GCC2: variants seen among roughly 807,000 people sequenced by gnomAD.
The protein encoded by GCC2 is GRIP and coiled-coil domain containing 2.
Under a neutral mutation model 210.6 loss-of-function variants are expected in GCC2, and 120 were observed. That is an observed-to-expected ratio of 0.57 (90% CI 0.49 to 0.66). The LOEUF is 0.66. Among genes scored for constraint, GCC2 ranks in the 30% least tolerant of loss-of-function variants. The pLI, the probability that GCC2 is intolerant of heterozygous loss-of-function variation, is 0.00. For synonymous variants in GCC2, 703 were observed against 652.7 expected, an observed-to-expected ratio of 1.08 and a Z score of -1.17; for missense variants, 1,868 against 1,871.9, an observed-to-expected ratio of 1.00 and a Z score of 0.04.
In GCC2 at chr2:108,472,135, C is replaced by A. The variant is rs537765006; in HGVS notation, c.2787+19C>A. 1.1e-5 allele frequency: 15 copies of A among 1,419,720 alleles called. No homozygotes were observed. The highest frequency in any genetic ancestry group is 7.7e-5 in the Admixed American group (3 of 39,064). 87.9% of individuals were successfully genotyped at this position (1,419,720 alleles called of 1,614,324 possible). ...ATTAAAGGTACCATTCATTTGAATT[C>A]TATTGTTTCAAATAAATTCTTAGTT... is the stretch of plus-strand genomic sequence containing the variant. On this transcript the variant is annotated intron_variant, in intron 6 of 22. Coordinates refer to ENST00000309863, the MANE Select transcript of GCC2 (RefSeq NM_181453.4).
At chr2:108,455,549 T>C (rs1463925080) in intron 4 of GCC2, among the ~76,000 whole-genome samples, 1 of 152,004 alleles carries the variant, frequency 6.6e-6, no homozygotes, top group Non-Finnish European at 1.5e-5. Context: ...ATGGGGTACA[T>C]GTGAAATTTT....
chr2:108,479,162 CA>C (rs1293628788), intron 9 of GCC2, among the ~76,000 whole-genome samples: 1 of 151,198 alleles, frequency 6.6e-6, no homozygotes, highest in Non-Finnish European at 1.5e-5. Context: ...GACAACGTCT[CA>C]AAAAAAATAA....
intron 9 of GCC2, among the ~76,000 whole-genome samples, chr2:108,477,942 T>C (rs1407178867): frequency 6.6e-6 from 1 of 152,134 alleles, no homozygotes; most frequent in East Asian, 1.9e-4. Flanking sequence ...GCTACTCTGA[T>C]GGCCGAGGCA....
At chr2:108,449,371 C>A in intron 1 of GCC2, 91 bp downstream of exon 1, 1 of 1,506,266 alleles carries the variant, frequency 6.6e-7, no homozygotes, top group South Asian at 1.3e-5. Flanking sequence ...GCGCGGTAGT[C>A]TCCCTCTTGG....
Position 108,487,791 on chromosome 2 carries a change from G to A in GCC2, c.4023G>A (p.Gln1341=). The part of the protein sequence containing the change: ...LKQQKNKSMS[Q]AETEGAKQER... ...AACAGAAAAATAAATCTATGTCTCAGGCTGAAACTGAGGGCGCTAAACAAG... is the reference window on the plus strand; with the variant it reads ...AACAGAAAAATAAATCTATGTCTCAAGCTGAAACTGAGGGCGCTAAACAAG... The change falls in exon 17 of 23, where the codon CAG becomes CAA. Residue 1341 remains glutamine (Q), a synonymous_variant. Coordinates refer to ENST00000309863, the MANE Select transcript of GCC2 (RefSeq NM_181453.4). 6.2e-7 allele frequency: 1 copy of A among 1,613,168 alleles called. No individual in the cohort carries two copies. The highest frequency in any genetic ancestry group is 1.7e-4 in the Middle Eastern group (1 of 6,060).
At chr2:108,487,898 TG>T in intron 17 of GCC2, 78 bp downstream of exon 17, 6 of 1,208,790 alleles carry the variant, frequency 5.0e-6, no homozygotes, top group Non-Finnish European at 5.7e-6. Flanking sequence ...AATCCTATTA[TG>T]ATTTTTTTTT....
At chr2:108,501,080 C>A (rs1038943359) in intron 22 of GCC2, among the ~76,000 whole-genome samples, 12 of 152,020 alleles carry the variant, frequency 7.9e-5, no homozygotes, top group African/African-American at 2.9e-4. Flanking sequence ...ACTGCAACCT[C>A]CGCCTCCCAG....
intron 1 of GCC2, 23 bp from the exon 2 acceptor site, chr2:108,449,610 C>A: frequency 6.2e-7 from 1 of 1,610,092 alleles, no homozygotes. Context: ...CTTCTGACAC[C>A]TGGGTTTGAT....
At position 108,486,541 on chromosome 2, in the gene GCC2, C is replaced by T; in HGVS notation, c.3823C>T (p.His1275Tyr). 1.2e-6 allele frequency: 2 copies of T among 1,614,124 alleles called. No individual in the cohort carries two copies. The highest frequency in any genetic ancestry group is 1.7e-6 in the Non-Finnish European group (2 of 1,179,984). Residue 1275 changes from histidine to tyrosine, a missense_variant, in exon 16 of 23, where the codon CAC becomes TAC. His to Tyr is a moderately conservative substitution (Grantham distance 83). This residue lies in a region of GCC2 where 1,847 missense variants were observed against 1,765.2 expected (regional missense o/e 1.05). Transcript: ENST00000309863. ...IQLAEITSEK[H>Y]KIHEHLKTSA... The stretch of plus-strand genomic sequence containing the variant: ...GCTGGCTGAAATAACATCAGAGAAG[C>T]ACAAAATCCACGAGCACCTGAAAAC...
intron 9 of GCC2, among the ~76,000 whole-genome samples, chr2:108,476,203 G>T (rs1375658254): frequency 6.6e-6 from 1 of 151,740 alleles, no homozygotes; most frequent in Non-Finnish European, 1.5e-5. Context: ...GGGACTACAG[G>T]TGCGCGCCAC....
rs138657553 is a variant in GCC2, at chr2:108,492,887, A to G, written c.4447+97A>G. On this transcript the variant is annotated intron_variant, in intron 19 of 22. Coordinates refer to ENST00000309863, the MANE Select transcript of GCC2 (RefSeq NM_181453.4). ...AAATTCATAAGAAAGAAAATTTACT[A>G]GGTGTCACCAGTGTCAAATCTGTGA... is the stretch of plus-strand genomic sequence containing the variant. The G allele has an allele frequency of 3.4e-4, 292 of 862,250 alleles. 1 individual carries two copies. In the East Asian group the frequency reaches 7.6e-3, roughly 22 times the overall value. 53.4% of individuals were successfully genotyped at this position (862,250 alleles called of 1,614,324 possible).
Position 108,449,701 on chromosome 2 carries a change from A to C in GCC2, c.63+12A>C. ...CCGGGAAATCTAAGGTGAAGAGAAT[A>C]CTTGAATAGCGGGCTTCCTGAAGAG... On this transcript the variant is annotated intron_variant, in intron 2 of 22. Coordinates refer to ENST00000309863, the MANE Select transcript of GCC2 (RefSeq NM_181453.4). 3.7e-6 allele frequency: 6 copies of C among 1,608,828 alleles called. No homozygotes were observed. Among genetic ancestry groups the C allele is most frequent in the Non-Finnish European group, 8.5e-7 (1 of 1,175,298 alleles).
Position 108,471,071 on chromosome 2 carries a change from T to C in GCC2, c.1742T>C (p.Met581Thr). Residue 581 changes from methionine to threonine, a missense_variant, in exon 6 of 23, where the codon ATG becomes ACG. Met to Thr is a moderately conservative substitution (Grantham distance 81, BLOSUM62 -1). Coordinates refer to ENST00000309863, the MANE Select transcript of GCC2 (RefSeq NM_181453.4). ...CTTAGTCTCAGTCAAAGAGATACCA[T>C]GTTAAAAGAATTAGAAGGAAAGATA... ...YLLSLSQRDT[M>T]LKELEGKINS... 6.3e-7 allele frequency: 1 copy of C among 1,583,566 alleles called. No individual in the cohort carries two copies. The highest frequency in any genetic ancestry group is 8.6e-7 in the Non-Finnish European group (1 of 1,156,650).
chr2:108,493,622 G>A (rs988449503), intron 19 of GCC2: 18 of 985,244 alleles, frequency 1.8e-5, no homozygotes, highest in African/African-American at 1.7e-4. Flanking sequence ...CTGCTTCCAG[G>A]AAGACATGGA....
rs543426714 is a variant in GCC2 at position 108,498,356 on chromosome 2, C to T, written c.4783-1197C>T. On this transcript the variant is annotated intron_variant, in intron 21 of 22. Transcript: ENST00000309863. Reference sequence around the variant, plus strand: ...GACTGCAGGCACGCACCACCATGCCCGGCTAATTTTTTTTATTTTACTAGA... The same window carrying T: ...GACTGCAGGCACGCACCACCATGCCTGGCTAATTTTTTTTATTTTACTAGA... 3.1e-3 allele frequency among the ~76,000 whole-genome samples: 466 copies of T among 151,354 alleles called. 1 individual carries two copies. The highest frequency in any genetic ancestry group is 0.011 in the African/African-American group (455 of 41,284).
chr2:108,506,900 G>A (rs1278173082), intron 22 of GCC2, among the ~76,000 whole-genome samples: 1 of 151,312 alleles, frequency 6.6e-6, no homozygotes, highest in Non-Finnish European at 1.5e-5. Context: ...TGTGCTGGTA[G>A]GATTGTTTGT....
At chr2:108,481,600 C>T in intron 9 of GCC2, 97 bp from the exon 10 acceptor site, 2 of 818,562 alleles carry the variant, frequency 2.4e-6, no homozygotes, top group South Asian at 4.4e-5. Context: ...TTTAAGCATC[C>T]AGAATGGACT....
rs770087901 is a variant in GCC2, at chr2:108,486,571, G to A, written c.3853G>A (p.Ala1285Thr). Reference sequence around the variant, plus strand: ...AATCCACGAGCACCTGAAAACCTCTGCGGAACAGCACCAGCGTACGCTAAG... The same window carrying A: ...AATCCACGAGCACCTGAAAACCTCTACGGAACAGCACCAGCGTACGCTAAG... ...HKIHEHLKTS[A>T]EQHQRTLSAY... Residue 1285 changes from alanine (A) to threonine (T), a missense_variant, in exon 16 of 23, where the codon GCG becomes ACG. Physicochemically the swap from Ala to Thr is moderately conservative, Grantham distance 58. Transcript: ENST00000309863. The A allele has an allele frequency of 3.7e-6, 6 of 1,614,154 alleles. No individual in the cohort carries two copies. In the South Asian group the frequency reaches 6.6e-5, roughly 18 times the overall value.
intron 22 of GCC2, among the ~76,000 whole-genome samples, chr2:108,507,343 C>A (rs1339581559): frequency 6.7e-6 from 1 of 150,222 alleles, no homozygotes; most frequent in Non-Finnish European, 1.5e-5. Context: ...GCATTGAAGT[C>A]TCATCACGCC....
Sources: gnomAD v4.1 joint callset for allele counts (sites outside exome capture counted in the v4.1 genomes callset) on GRCh38, gnomAD v4.1.1 for gene constraint, gnomAD v4.1.1 regional missense constraint, MANE v1.5 for transcripts, NCBI Gene and HGNC (gene_info 2026-07-23, HGNC 2026-07-21) for gene names.